SUSD4: variants seen among roughly 807,000 people sequenced by gnomAD.
SUSD4 encodes sushi domain-containing protein 4.
In SUSD4, 41 loss-of-function variants were observed where a neutral mutation model predicts 50.5. The ratio of observed to expected loss-of-function variants is 0.81; its 90% confidence interval spans 0.63 to 1.05. The LOEUF (loss-of-function observed/expected upper bound fraction) is 1.05. SUSD4 is among the 50% of genes least tolerant of loss of function. The pLI, the probability that SUSD4 is intolerant of heterozygous loss-of-function variation, is 0.00. For missense variants in SUSD4, 580 were observed against 634.7 expected (o/e 0.91, Z 0.93); for synonymous variants, 257 against 257.3 (o/e 1.00, Z 0.01).
intron 2 of SUSD4, among the ~76,000 whole-genome samples, chr1:223,297,866 A>G (rs143184879): frequency 4.3e-4 from 66 of 152,356 alleles, no homozygotes; most frequent in Admixed American, 9.8e-4. Flanking sequence ...TGAAGGATAA[A>G]GCAAGGGATG....
At chr1:223,263,904 C>CCT in intron 5 of SUSD4, 1 of 985,422 alleles carries the variant, frequency 1.0e-6, no homozygotes. Context: ...CCCATATAGA[C>CCT]CCCTCCTACC....
intron 3 of SUSD4, among the ~76,000 whole-genome samples, chr1:223,290,466 G>A (rs1414702665): frequency 6.6e-6 from 1 of 152,138 alleles, no homozygotes; most frequent in African/African-American, 2.4e-5. Flanking sequence ...ATACACCATT[G>A]TCTTAGAAAG....
intron 5 of SUSD4, among the ~76,000 whole-genome samples, chr1:223,252,301 G>A (rs952945883): frequency 1.3e-5 from 2 of 150,388 alleles, no homozygotes; most frequent in East Asian, 3.9e-4. Flanking sequence ...GCCATGTGAA[G>A]ACACAGACAT....
intron 2 of SUSD4, among the ~76,000 whole-genome samples, chr1:223,334,971 ATTTGGTTTT>A (rs1246492713): frequency 6.6e-6 from 1 of 152,106 alleles, no homozygotes; most frequent in Non-Finnish European, 1.5e-5. Flanking sequence ...AACATACAAT[ATTTGGTTTT>A]CCATTCCTGA....
At chr1:223,237,506 G>A (rs538073533) in intron 5 of SUSD4, among the ~76,000 whole-genome samples, 9 of 151,920 alleles carry the variant, frequency 5.9e-5, no homozygotes, top group Admixed American at 3.3e-4. Context: ...TTCTTTATAC[G>A]GTTGAGGATG....
At chr1:223,330,933 A>G (rs565635519) in intron 2 of SUSD4, among the ~76,000 whole-genome samples, 1 of 152,224 alleles carries the variant, frequency 6.6e-6, no homozygotes, top group Non-Finnish European at 1.5e-5. Flanking sequence ...GGGAACAGAA[A>G]GCTGTCAAGT....
In SUSD4 at chr1:223,223,747, C is replaced by T. The variant is rs191860061; in HGVS notation, c.1062-116G>A. On this transcript the variant is annotated intron_variant, in intron 7 of 8. Coordinates refer to ENST00000366878, the MANE Select transcript of SUSD4 (RefSeq NM_017982.4). ...GGACCCACGATGGGCAGCAGAGTCC[C>T]GTATGGAGGATAATATGGAAGAACC... The T allele has an allele frequency of 3.2e-5, 40 of 1,255,180 alleles. 1 individual carries two copies. Among genetic ancestry groups the T allele is most frequent in the African/African-American group, 2.1e-4 (14 of 66,132 alleles). 77.8% of individuals were successfully genotyped at this position (1,255,180 alleles called of 1,614,324 possible).
upstream of SUSD4, among the ~76,000 whole-genome samples, chr1:223,364,443 G>T: frequency 6.7e-6 from 1 of 148,460 alleles, no homozygotes; most frequent in South Asian, 2.1e-4. The surrounding 1 kb of genome is among the most constrained non-coding windows in gnomAD (Gnocchi z 4.5). Context: ...CGGCGCCGCG[G>T]CGTGGCCGGA....
At chr1:223,314,372 A>G (rs1269652117) in intron 2 of SUSD4, among the ~76,000 whole-genome samples, 5 of 152,152 alleles carry the variant, frequency 3.3e-5, no homozygotes, top group African/African-American at 7.2e-5. Flanking sequence ...TGAAAGTTAC[A>G]TAGATCTACA....
intron 5 of SUSD4, among the ~76,000 whole-genome samples, chr1:223,248,444 T>G (rs532200183): frequency 6.6e-6 from 1 of 152,326 alleles, no homozygotes; most frequent in South Asian, 2.1e-4. Context: ...CTGATCTAAA[T>G]TTGGGTAATG....
At chr1:223,333,289 C>T (rs1021521098) in intron 2 of SUSD4, among the ~76,000 whole-genome samples, 27 of 152,138 alleles carry the variant, frequency 1.8e-4, no homozygotes, top group African/African-American at 6.5e-4. Flanking sequence ...AGTTACTTAA[C>T]CTCTCTCTGC....
At chr1:223,261,770 T>G (rs1662140058) in intron 5 of SUSD4, among the ~76,000 whole-genome samples, 1 of 152,206 alleles carries the variant, frequency 6.6e-6, no homozygotes, top group Non-Finnish European at 1.5e-5. Context: ...AGGTTCTCTC[T>G]TATTTATTGA....
At chr1:223,284,198 T>C (rs1663974268) in intron 3 of SUSD4, among the ~76,000 whole-genome samples, 1 of 152,110 alleles carries the variant, frequency 6.6e-6, no homozygotes, top group South Asian at 2.1e-4. Flanking sequence ...ACCTGCACAT[T>C]GCGCACATGT....
At chr1:223,275,697 T>C (rs1177505353) in intron 3 of SUSD4, among the ~76,000 whole-genome samples, 2 of 152,338 alleles carry the variant, frequency 1.3e-5, no homozygotes, top group African/African-American at 2.4e-5. Flanking sequence ...TGTGCCTTTT[T>C]TTATGGCTCC....
chr1:223,249,656 C>A (rs150685760), intron 5 of SUSD4, among the ~76,000 whole-genome samples: 1 of 152,048 alleles, frequency 6.6e-6, no homozygotes, highest in African/African-American at 2.4e-5. Flanking sequence ...ATAGTTAGTT[C>A]TATAATAAGT....
chr1:223,327,523 AT>A (rs1216812104), intron 2 of SUSD4, among the ~76,000 whole-genome samples: 5 of 152,230 alleles, frequency 3.3e-5, no homozygotes, highest in Non-Finnish European at 7.3e-5. Context: ...TGACCTTCCT[AT>A]TACATGATTC....
chr1:223,352,998 C>A (rs1668450466), intron 2 of SUSD4, among the ~76,000 whole-genome samples: 1 of 152,154 alleles, frequency 6.6e-6, no homozygotes, highest in Admixed American at 6.5e-5. Context: ...AAATCACTCG[C>A]CTGCTTCACA....
chr1:223,346,134 A>G (rs1668019409), intron 2 of SUSD4, among the ~76,000 whole-genome samples: 1 of 152,140 alleles, frequency 6.6e-6, no homozygotes. Flanking sequence ...CCCTCTAGAC[A>G]GTCGTAGCAC....
At chr1:223,276,703 G>A (rs77569197) in intron 3 of SUSD4, among the ~76,000 whole-genome samples, 2,133 of 152,314 alleles carry the variant, frequency 0.014, 46 homozygotes, top group African/African-American at 0.049. Context: ...GTTAACAGCA[G>A]CATAAATAAG....
Sources: allele counts gnomAD v4.1 joint callset (sites outside exome capture counted in the v4.1 genomes callset), GRCh38; gene constraint gnomAD v4.1.1; non-coding constraint Gnocchi (gnomAD v3.1); transcripts MANE v1.5; gene names NCBI Gene and HGNC (gene_info 2026-07-23, HGNC 2026-07-21).